The following ASNS variants were observed in gnomAD, a reference collection of about 807,000 sequenced individuals.
ASNS encodes the protein asparagine synthetase [glutamine-hydrolyzing].
Under a neutral mutation model 62.6 loss-of-function variants are expected in ASNS, and 37 were observed. The observed-to-expected ratio is 0.59, with a 90% CI of 0.45 to 0.78. ASNS has a LOEUF of 0.78. Among genes scored for constraint, ASNS ranks in the 30% least tolerant of loss-of-function variants. The pLI is 0.00. For synonymous variants in ASNS, 207 were observed against 237.9 expected, an observed-to-expected ratio of 0.87 and a Z score of 1.19; for missense variants, 520 against 682.4, an observed-to-expected ratio of 0.76 and a Z score of 2.65.
upstream of ASNS, among the ~76,000 whole-genome samples, chr7:97,873,773 T>G (rs2115796936): frequency 6.6e-6 from 1 of 152,184 alleles, no homozygotes. Flanking sequence ...TTCCCCTGCT[T>G]GGTGTGTTAC....
At chr7:97,872,787 A>C (rs1487416785), upstream of ASNS, among the ~76,000 whole-genome samples, 1 of 152,234 alleles carries the variant, frequency 6.6e-6, no homozygotes, top group Non-Finnish European at 1.5e-5. Flanking sequence ...GTGAGGCCTA[A>C]AATGTCCTTA....
chr7:97,876,008 C>A (rs1332173802), upstream of ASNS, among the ~76,000 whole-genome samples: 1 of 152,064 alleles, frequency 6.6e-6, no homozygotes. Flanking sequence ...AGACACCCAC[C>A]ACCACGCCTG....
chr7:97,853,474 AC>A, intron 10 of ASNS, 88 bp from the exon 11 acceptor site: 1 of 1,125,504 alleles, frequency 8.9e-7, no homozygotes, highest in Non-Finnish European at 1.3e-6. Context: ...CATCAATTCA[AC>A]CAGATCTTAA....
At chr7:97,881,012 C>A in the ASNS span, among the ~76,000 whole-genome samples, 1 of 152,190 alleles carries the variant, frequency 6.6e-6, no homozygotes, top group Admixed American at 6.5e-5. Flanking sequence ...GCGATCTCAG[C>A]TCACTGCTAC....
At chr7:97,924,366 A>G in the ASNS span, among the ~76,000 whole-genome samples, 2 of 152,214 alleles carry the variant, frequency 1.3e-5, no homozygotes, top group African/African-American at 2.4e-5. Flanking sequence ...CCTGCCTCAC[A>G]AATTACAAGA....
At chr7:97,882,525 A>G in the ASNS span, among the ~76,000 whole-genome samples, 1 of 148,974 alleles carries the variant, frequency 6.7e-6, no homozygotes, top group Non-Finnish European at 1.5e-5. Context: ...TCCAGCCTGG[A>G]GACAGAGAGA....
At chr7:97,869,463 C>A (rs1284323174) in intron 2 of ASNS, among the ~76,000 whole-genome samples, 1 of 152,172 alleles carries the variant, frequency 6.6e-6, no homozygotes. Context: ...TAGTGGTTGG[C>A]TAGAGCTGAC....
At chr7:97,910,084 T>C in the ASNS span, among the ~76,000 whole-genome samples, 2 of 152,046 alleles carry the variant, frequency 1.3e-5, no homozygotes, top group Non-Finnish European at 2.9e-5. Flanking sequence ...GAGCCCAACT[T>C]GAAGTTTCAG....
chr7:97,885,896 C>T, the ASNS span: 10 of 532,290 alleles, frequency 1.9e-5, no homozygotes, highest in South Asian at 5.4e-5. Context: ...ATGGGGGGCC[C>T]GCCCATGATG....
At chr7:97,859,132 C>A in intron 5 of ASNS, 81 bp downstream of exon 5, 1 of 1,515,264 alleles carries the variant, frequency 6.6e-7, no homozygotes, top group South Asian at 1.3e-5. Flanking sequence ...AAACTAAAAT[C>A]ATTCAAATGA....
the ASNS span, among the ~76,000 whole-genome samples, chr7:97,889,662 C>T: frequency 3.4e-5 from 5 of 148,800 alleles, no homozygotes; most frequent in East Asian, 2.0e-4. Flanking sequence ...CCAATGAACA[C>T]TGTAGATACA....
At chr7:97,855,575 A>T (rs1179254424) in intron 8 of ASNS, 116 bp from the exon 9 acceptor site, 2 of 605,114 alleles carry the variant, frequency 3.3e-6, no homozygotes, top group Admixed American at 2.9e-5. Flanking sequence ...ACTTCATATT[A>T]ATATAAAGTA....
chr7:97,914,136 GTGGATGGA>G, the ASNS span, among the ~76,000 whole-genome samples: 2 of 131,396 alleles, frequency 1.5e-5, no homozygotes, highest in Non-Finnish European at 3.2e-5. Context: ...GGGTAGGTGG[GTGGATGGA>G]TGGATGCATG....
At chr7:97,902,778 A>G in the ASNS span, among the ~76,000 whole-genome samples, 2 of 152,144 alleles carry the variant, frequency 1.3e-5, no homozygotes, top group Admixed American at 6.5e-5. Flanking sequence ...CTGACACCCA[A>G]TTCAAGAAAC....
At chr7:97,907,239 G>T in the ASNS span, among the ~76,000 whole-genome samples, 2 of 152,052 alleles carry the variant, frequency 1.3e-5, no homozygotes, top group Non-Finnish European at 2.9e-5. Flanking sequence ...TAATAGAATT[G>T]GTGTCTTCCT....
chr7:97,900,346 G>A, the ASNS span, among the ~76,000 whole-genome samples: 1 of 103,670 alleles, frequency 9.6e-6, no homozygotes, highest in East Asian at 3.4e-4. Flanking sequence ...GGGTGATGGA[G>A]CAAGACTTTG....
Position 97,858,519 on chromosome 7 carries a change from C to T in ASNS, c.776-114G>A, listed in dbSNP as rs11976728. On this transcript the variant is annotated intron_variant, in intron 6 of 12. Coordinates refer to ENST00000394308, the MANE Select transcript of ASNS (RefSeq NM_001673.5). ...GATCATAGTTTTACTATTTAAAATC[C>T]GCCAAGTTTTATAAACTGAAATCAA... is the stretch of plus-strand genomic sequence containing the variant. 1,055 of 1,346,766 alleles carry T rather than the reference C, an allele frequency of 7.8e-4. 17 individuals are homozygous for T. The African/African-American group carries it at 0.014, about 18-fold the overall frequency. 83.4% of individuals were successfully genotyped at this position (1,346,766 alleles called of 1,614,324 possible). A position where few individuals can be genotyped will look rare whatever the true frequency, so the allele number is the denominator to read the frequency against.
At chr7:97,879,683 T>C in the ASNS span, among the ~76,000 whole-genome samples, 1 of 152,138 alleles carries the variant, frequency 6.6e-6, no homozygotes, top group Non-Finnish European at 1.5e-5. Flanking sequence ...AGCCTCCAGA[T>C]GAGAACTGAG....
In ASNS at chr7:97,869,194, G is replaced by A; in HGVS notation, c.-23-15C>T. The A allele has an allele frequency of 6.2e-7, 1 of 1,601,496 alleles. No individual in the cohort carries two copies. On this transcript the variant is annotated splice_polypyrimidine_tract_variant and intron_variant, in intron 2 of 12. Coordinates refer to ENST00000394308, the MANE Select transcript of ASNS (RefSeq NM_001673.5). The stretch of plus-strand genomic sequence containing the variant: ...CTATAAGCTTTCTATGGAGAGAAAA[G>A]CAGACAAATCAAAAATATTCAATAT...
Sources: gnomAD v4.1 joint callset for allele counts (sites outside exome capture counted in the v4.1 genomes callset) on GRCh38, gnomAD v4.1.1 for gene constraint, MANE v1.5 for transcripts, NCBI Gene and HGNC (gene_info 2026-07-23, HGNC 2026-07-21) for gene names.